The following GRK1 variants were observed in gnomAD, a reference collection of about 807,000 sequenced individuals.
GRK1 encodes the protein G protein-coupled receptor kinase 1.
A neutral mutation model predicts 41.7 loss-of-function variants in GRK1; 28 were observed. The observed-to-expected ratio is 0.67, with a 90% CI of 0.50 to 0.92. The LOEUF is 0.92. Among genes scored for constraint, GRK1 ranks in the 40% least tolerant of loss-of-function variants. The pLI, the probability that GRK1 is intolerant of heterozygous loss-of-function variation, is 0.00. For synonymous variants in GRK1, 327 were observed against 286.7 expected (o/e 1.14, Z -1.42); for missense variants, 703 against 671.2 (o/e 1.05, Z -0.52).
At chr13:113,733,991 T>TGTGCGC (rs879290691) in intron 6 of GRK1, among the ~76,000 whole-genome samples, 2 of 140,298 alleles carry the variant, frequency 1.4e-5, no homozygotes, top group Non-Finnish European at 1.5e-5. Flanking sequence ...TGTGTGTGCA[T>TGTGCGC]ACATGTGTGT....
In GRK1 at chr13:113,731,865, A is replaced by G. The variant is rs1012042246; in HGVS notation, c.1194+522A>G. The stretch of plus-strand genomic sequence containing the variant: ...TTATCCATCGCTGTTGCAGAAGAGC[A>G]AGCTCCCCTTCTTCCCAGACACCAA... On this transcript the variant is annotated intron_variant, in intron 5 of 6. Coordinates refer to ENST00000335678, the MANE Select transcript of GRK1 (RefSeq NM_002929.3). This position sits in a 1 kb window ranked among gnomAD's most constrained non-coding sequence, Gnocchi z 5.6. Among the ~76,000 whole-genome samples the G allele has an allele frequency of 6.6e-6, 1 of 152,090 alleles. No homozygotes were observed. Among genetic ancestry groups the G allele is most frequent in the African/African-American group, 2.4e-5 (1 of 41,408 alleles).
intron 4 of GRK1, among the ~76,000 whole-genome samples, chr13:113,728,268 G>A (rs1420977548): frequency 5.2e-5 from 6 of 116,376 alleles, no homozygotes; most frequent in East Asian, 2.4e-4. Flanking sequence ...TACCCATGGC[G>A]ATGAGGAGTA....
the GRK1 span, among the ~76,000 whole-genome samples, chr13:113,655,996 G>A: frequency 2.6e-5 from 4 of 152,262 alleles, no homozygotes; most frequent in African/African-American, 7.2e-5. Context: ...GCTCAGGGCT[G>A]GGTCTTGCTC....
chr13:113,724,835 C>A (rs1433082630), intron 4 of GRK1, among the ~76,000 whole-genome samples: 1 of 152,214 alleles, frequency 6.6e-6, no homozygotes, highest in Non-Finnish European at 1.5e-5. Context: ...TCTTTGGGAC[C>A]CTTGCCAAGC....
intron 6 of GRK1, among the ~76,000 whole-genome samples, chr13:113,733,981 T>C (rs1372163878): frequency 5.8e-5 from 8 of 137,172 alleles, no homozygotes; most frequent in African/African-American, 2.0e-4. Context: ...TGTGTGCGCA[T>C]GTGTGTGCAT....
the GRK1 span, chr13:113,652,778 C>G: frequency 3.4e-6 from 5 of 1,451,310 alleles, no homozygotes; most frequent in South Asian, 6.0e-5. Context: ...TGGGCAAGCC[C>G]CAGACAGGAC....
intron 4 of GRK1, among the ~76,000 whole-genome samples, chr13:113,727,094 C>T (rs1320420820): frequency 6.6e-6 from 1 of 152,240 alleles, no homozygotes; most frequent in African/African-American, 2.4e-5. Context: ...GTTGGCCTCA[C>T]TTGGGTAGCA....
chr13:113,653,501 A>G, the GRK1 span: 5 of 1,450,678 alleles, frequency 3.4e-6, no homozygotes, highest in Non-Finnish European at 4.8e-6. Context: ...TCAGTTCTGA[A>G]GTGGCTGAGG....
chr13:113,665,367 A>ATGCCCCAGCTGTCCCAGGTG (rs367856087), upstream of GRK1, among the ~76,000 whole-genome samples: 2,951 of 149,054 alleles, frequency 0.02, 98 homozygotes, highest in African/African-American at 0.069. Flanking sequence ...TGTCCGAGGT[A>ATGCCCCAGCTGTCCCAGGTG]TGCCCCAGCT....
the GRK1 span, chr13:113,651,619 C>A: frequency 6.5e-7 from 1 of 1,534,110 alleles, no homozygotes; most frequent in Non-Finnish European, 8.8e-7. Context: ...CAGCACGACC[C>A]TGACAAGCTC....
chr13:113,668,075 A>C lies in GRK1; in HGVS notation c.689A>C (p.Lys230Thr), dbSNP rs780065319. 6.9e-6 allele frequency: 11 copies of C among 1,605,760 alleles called. No homozygotes were observed. The East Asian group carries it at 2.5e-4, about 36-fold the overall frequency. ...KLNKKRLKKR[K>T]GYQGAMVEKK... ...AACAAGAAGCGGCTGAAGAAGAGGA[A>C]GGGCTACCAGGTGAGCAGCGCGACC... is the stretch of plus-strand genomic sequence containing the variant. Residue 230 changes from lysine (K) to threonine (T), a missense_variant, in exon 1 of 7, where the codon AAG becomes ACG. Coordinates refer to ENST00000335678, the MANE Select transcript of GRK1 (RefSeq NM_002929.3).
chr13:113,729,159 G>A (rs2049915318), intron 4 of GRK1, among the ~76,000 whole-genome samples: 1 of 152,212 alleles, frequency 6.6e-6, no homozygotes, highest in Admixed American at 6.5e-5. Flanking sequence ...ACATATGTGA[G>A]CCTGGTGTGG....
chr13:113,654,722 G>A, the GRK1 span: 2 of 1,493,964 alleles, frequency 1.3e-6, no homozygotes, highest in African/African-American at 1.4e-5. Flanking sequence ...TTCATTTCTG[G>A]GGAGGGCACG....
chr13:113,658,337 C>T, the GRK1 span, among the ~76,000 whole-genome samples: 1 of 152,238 alleles, frequency 6.6e-6, no homozygotes, highest in Non-Finnish European at 1.5e-5. Flanking sequence ...GGGCTGGGTG[C>T]AGCCCGGCTG....
intron 4 of GRK1, among the ~76,000 whole-genome samples, chr13:113,726,864 T>C (rs2049892044): frequency 6.6e-6 from 1 of 152,214 alleles, no homozygotes; most frequent in African/African-American, 2.4e-5. Flanking sequence ...CCTGTGGTTC[T>C]GTGAGGCAGG....
chr13:113,654,789 T>C, the GRK1 span: 1 of 1,610,346 alleles, frequency 6.2e-7, no homozygotes, highest in Non-Finnish European at 8.5e-7. Flanking sequence ...TCACACGGCA[T>C]GGGGGCAACA....
chr13:113,671,632 G>A lies in GRK1; in HGVS notation c.961G>A (p.Glu321Lys), dbSNP rs371556611. 9.1e-6 allele frequency: 7 copies of A among 767,748 alleles called. No homozygotes were observed. Among genetic ancestry groups the A allele is most frequent in the African/African-American group, 5.1e-5 (3 of 59,032 alleles). The allele number at this position is 767,748 out of a possible 1,614,324, so 47.6% of individuals were successfully genotyped here. A position where few individuals can be genotyped will look rare whatever the true frequency, so the allele number is the denominator to read the frequency against. The change falls in exon 3 of 7, where the codon GAG becomes AAG. Residue 321 changes from glutamate to lysine, a missense_variant. Glu to Lys is a moderately conservative substitution (Grantham distance 56). Transcript: ENST00000335678. This position sits in a 1 kb window ranked among gnomAD's most constrained non-coding sequence, Gnocchi z 4.1. ...GATCGTCTACCGCGACCTCAAGCCC[G>A]AGAACGTGCTGCTGGACAATGACGG... ...RRIVYRDLKP[E>K]NVLLDNDGNV... is the part of the protein sequence containing the mutation.
the GRK1 span, chr13:113,649,199 G>A: frequency 1.5e-5 from 9 of 592,680 alleles, no homozygotes; most frequent in Admixed American, 3.7e-5. This position sits in a 1 kb window ranked among gnomAD's most constrained non-coding sequence, Gnocchi z 4.7. Flanking sequence ...ACTGATACTC[G>A]CGAGCAGGTC....
chr13:113,671,395 G>A lies in GRK1; in HGVS notation c.828-104G>A, dbSNP rs1440773866. 1 of 743,036 alleles carries A rather than the reference G, an allele frequency of 1.3e-6. No homozygotes were observed. The highest frequency in any genetic ancestry group is 2.5e-6 in the Non-Finnish European group (1 of 404,524). The allele number at this position is 743,036 out of a possible 1,614,324, so 46.0% of individuals were successfully genotyped here. ...GGGGGGCCAGGCCTCAAAACGACCA[G>A]AACGCTGGCCGAGAGACATGGTTCT... is the stretch of plus-strand genomic sequence containing the variant. On this transcript the variant is annotated intron_variant, in intron 2 of 6. Coordinates refer to ENST00000335678, the MANE Select transcript of GRK1 (RefSeq NM_002929.3). The surrounding 1 kb of genome is among the most constrained non-coding windows in gnomAD (Gnocchi z 4.1).
Sources: allele counts gnomAD v4.1 joint callset (sites outside exome capture counted in the v4.1 genomes callset), GRCh38; gene constraint gnomAD v4.1.1; non-coding constraint Gnocchi (gnomAD v3.1); transcripts MANE v1.5; gene names NCBI Gene and HGNC (gene_info 2026-07-23, HGNC 2026-07-21).